Variants in HM13 observed in about 807,000 individuals in gnomAD.
The protein encoded by HM13 is signal peptide peptidase.
In HM13, 18 loss-of-function variants were observed where a neutral mutation model predicts 50.0. That is an observed-to-expected ratio of 0.36 (90% CI 0.25 to 0.53). The LOEUF is 0.53. Among genes scored for constraint, HM13 ranks in the 20% least tolerant of loss-of-function variants. The pLI, the probability that HM13 is intolerant of heterozygous loss-of-function variation, is 0.90. For missense variants in HM13, 393 were observed against 552.4 expected, an observed-to-expected ratio of 0.71 and a Z score of 2.89; for synonymous variants, 197 against 232.6, an observed-to-expected ratio of 0.85 and a Z score of 1.39.
intron 8 of HM13, among the ~76,000 whole-genome samples, chr20:31,559,060 G>T (rs1229141323): frequency 6.6e-6 from 1 of 152,082 alleles, no homozygotes; most frequent in African/African-American, 2.4e-5. Context: ...CTGGGACTAC[G>T]GGCACATGCC....
chr20:31,550,011 TC>T, intron 6 of HM13, 52 bp from the exon 7 acceptor site: 1 of 1,336,500 alleles, frequency 7.5e-7, no homozygotes, highest in Non-Finnish European at 1.1e-6. Context: ...CAGCCATTCT[TC>T]CCCCCACAGC....
In HM13 at chr20:31,540,849, G is replaced by A. The variant is rs117939015; in HGVS notation, c.365+2588G>A. 3.3e-5 allele frequency: 5 copies of A among 151,844 alleles called. No individual in the cohort carries two copies. In the East Asian group the frequency reaches 9.8e-4, roughly 30 times the overall value. 9.4% of individuals were successfully genotyped at this position (151,844 alleles called of 1,614,324 possible). A position where few individuals can be genotyped will look rare whatever the true frequency, so the allele number is the denominator to read the frequency against. On this transcript the variant is annotated intron_variant, in intron 3 of 12. Coordinates refer to ENST00000398174, the MANE Select transcript of HM13 (RefSeq NM_178581.3). ...ACTAAAAATACAAAAAAGTAGCCGG[G>A]TGTGATGACGCACCCAGCTACTCGG...
chr20:31,522,552 A>C (rs1478863974), intron 1 of HM13, among the ~76,000 whole-genome samples: 1 of 147,042 alleles, frequency 6.8e-6, no homozygotes, highest in Non-Finnish European at 1.5e-5. Context: ...ACTAAAAAAA[A>C]ACAAAAAAAA....
chr20:31,531,046 GA>G (rs1416292665), intron 2 of HM13, among the ~76,000 whole-genome samples: 2 of 152,000 alleles, frequency 1.3e-5, no homozygotes, highest in African/African-American at 4.8e-5. Context: ...GAATTAAAAA[GA>G]TTTTTTTTCT....
chr20:31,557,703 C>CTTTTTTTTTTTTTTTTTT, intron 8 of HM13, among the ~76,000 whole-genome samples: 1 of 80,906 alleles, frequency 1.2e-5, no homozygotes, highest in Non-Finnish European at 2.2e-5. Context: ...GGCAGTGCTT[C>CTTTTTTTTTTTTTTTTTT]TTTTTTTTTT....
chr20:31,544,468 A>C (rs1983607235), intron 3 of HM13, among the ~76,000 whole-genome samples: 1 of 152,200 alleles, frequency 6.6e-6, no homozygotes, highest in Non-Finnish European at 1.5e-5. Context: ...TAAAAATCTC[A>C]GTCCTGCTGT....
At chr20:31,536,433 C>G (rs921744396) in intron 2 of HM13, among the ~76,000 whole-genome samples, 2 of 152,034 alleles carry the variant, frequency 1.3e-5, no homozygotes, top group Non-Finnish European at 2.9e-5. Context: ...TCCCCTCCAT[C>G]CCCCCAAGCC....
chr20:31,538,342 G>A (rs1446262838), intron 3 of HM13, 81 bp downstream of exon 3: 1 of 1,611,954 alleles, frequency 6.2e-7, no homozygotes, highest in Non-Finnish European at 8.5e-7. Context: ...CATGACTTTT[G>A]GCATCATTCA....
rs1157040953 is a variant in HM13, at chr20:31,566,207, T to C, written c.949-3T>C. The C allele has an allele frequency of 1.2e-6, 2 of 1,612,866 alleles. No homozygotes were observed. The highest frequency in any genetic ancestry group is 1.1e-5 in the South Asian group (1 of 91,046). ...GGCTTCACCAGCCTGTGTCCTCTCA[T>C]AGCCTGCCCTCCTATACCTGGTCCC... On this transcript the variant is annotated splice_polypyrimidine_tract_variant and splice_region_variant and intron_variant, in intron 10 of 12. Transcript: ENST00000398174.
chr20:31,558,096 A>G (rs1312328175), intron 8 of HM13, among the ~76,000 whole-genome samples: 1 of 152,266 alleles, frequency 6.6e-6, no homozygotes, highest in African/African-American at 2.4e-5. Context: ...GTGTGCGTAT[A>G]GCACAGGGAC....
At chr20:31,551,266 C>A (rs533205990) in intron 7 of HM13, among the ~76,000 whole-genome samples, 1 of 152,100 alleles carries the variant, frequency 6.6e-6, no homozygotes, top group South Asian at 2.1e-4. Context: ...GAGTTAATGA[C>A]CCTCTCTTCA....
intron 10 of HM13, among the ~76,000 whole-genome samples, chr20:31,564,812 C>T (rs1451136523): frequency 2.0e-5 from 3 of 149,500 alleles, no homozygotes; most frequent in Non-Finnish European, 3.0e-5. Flanking sequence ...CCATTGCACT[C>T]CAGTCTGGGA....
intron 1 of HM13, among the ~76,000 whole-genome samples, chr20:31,522,192 G>C (rs1018765303): frequency 6.6e-6 from 1 of 152,140 alleles, no homozygotes; most frequent in Admixed American, 6.6e-5. Flanking sequence ...AGAGTCCTGC[G>C]TGTCCTTTGA....
At chr20:31,553,417 C>T (rs1213042300) in intron 7 of HM13, among the ~76,000 whole-genome samples, 4 of 152,114 alleles carry the variant, frequency 2.6e-5, no homozygotes, top group African/African-American at 9.7e-5. Flanking sequence ...GGGAAGGCTG[C>T]CTAACACAAA....
chr20:31,559,730 G>GGA, intron 9 of HM13, 83 bp downstream of exon 9: 1 of 1,327,622 alleles, frequency 7.5e-7, no homozygotes, highest in East Asian at 2.3e-5. Context: ...AGGTACCTCA[G>GGA]GAGACCAGAC....
intron 2 of HM13, among the ~76,000 whole-genome samples, chr20:31,533,604 A>ATAAG (rs2122577050): frequency 6.6e-6 from 1 of 152,340 alleles, no homozygotes; most frequent in East Asian, 1.9e-4. Flanking sequence ...TGCCAGTGTG[A>ATAAG]TAAGGCTGGT....
At chr20:31,525,021 T>C (rs1982406565) in intron 1 of HM13, among the ~76,000 whole-genome samples, 1 of 152,038 alleles carries the variant, frequency 6.6e-6, no homozygotes, top group Non-Finnish European at 1.5e-5. Flanking sequence ...CCTCTGTGGC[T>C]CCTCTTTTTG....
chr20:31,537,905 G>T (rs1420308330), intron 2 of HM13, among the ~76,000 whole-genome samples: 1 of 152,206 alleles, frequency 6.6e-6, no homozygotes, highest in African/African-American at 2.4e-5. Flanking sequence ...GCAGCACTTT[G>T]AGCACAAACA....
At chr20:31,566,589 G>C (rs1229852000) in intron 11 of HM13, among the ~76,000 whole-genome samples, 1 of 152,102 alleles carries the variant, frequency 6.6e-6, no homozygotes, top group African/African-American at 2.4e-5. Flanking sequence ...TCTGCCTACT[G>C]TCAGAAGTCC....
Sources: allele counts gnomAD v4.1 joint callset (sites outside exome capture counted in the v4.1 genomes callset), GRCh38; gene constraint gnomAD v4.1.1; transcripts MANE v1.5; gene names NCBI Gene and HGNC (gene_info 2026-07-23, HGNC 2026-07-21).